Variants in SVOP observed in about 807,000 individuals in gnomAD.
SVOP encodes SV2 related protein, also known as synaptic vesicle 2-related protein.
Under a neutral mutation model 69.1 loss-of-function variants are expected in SVOP, and 17 were observed. The observed-to-expected ratio is 0.25, with a 90% CI of 0.17 to 0.37. SVOP has a LOEUF of 0.37. Among genes scored for constraint, SVOP ranks in the 10% least tolerant of loss-of-function variants. The pLI is 1.00. For synonymous variants in SVOP, 238 were observed against 238.6 expected (o/e 1.00, Z 0.02); for missense variants, 435 against 597.5 (o/e 0.73, Z 2.84).
At chr12:108,990,938 T>C (rs1470733013) in intron 1 of SVOP, among the ~76,000 whole-genome samples, 1 of 152,192 alleles carries the variant, frequency 6.6e-6, no homozygotes, top group Non-Finnish European at 1.5e-5. Flanking sequence ...GCTGCTGGCA[T>C]TGCTGATCTG....
At position 108,912,399 on chromosome 12, in the gene SVOP, C is replaced by T; in HGVS notation, c.*136G>A. 6.6e-7 allele frequency: 1 copy of T among 1,520,446 alleles called. No homozygotes were observed. The allele number at this position is 1,520,446 out of a possible 1,614,324, so 94.2% of individuals were successfully genotyped here. ...TGAAGATGAGCAAACTGAGTCAAGA[C>T]ACAAAACCCTGTTGGTCCAGGTCAT... On this transcript the variant is annotated 3_prime_UTR_variant, in exon 16 of 16. Transcript: ENST00000610966.
At chr12:108,971,244 C>A (rs2040077159) in intron 5 of SVOP, among the ~76,000 whole-genome samples, 1 of 151,910 alleles carries the variant, frequency 6.6e-6, no homozygotes, top group Admixed American at 6.6e-5. Context: ...GCCTGGCCAA[C>A]ATGGTGAAAC....
intron 11 of SVOP, among the ~76,000 whole-genome samples, chr12:108,924,756 A>G (rs1291595388): frequency 6.6e-6 from 1 of 152,254 alleles, no homozygotes; most frequent in Non-Finnish European, 1.5e-5. Flanking sequence ...TTAGAGCCAC[A>G]GGATGTTTGG....
chr12:108,929,744 G>A (rs1028746722), intron 11 of SVOP, among the ~76,000 whole-genome samples: 1 of 152,164 alleles, frequency 6.6e-6, no homozygotes, highest in Non-Finnish European at 1.5e-5. Flanking sequence ...ACAGAAAGGA[G>A]CCCAGTTCTA....
intron 11 of SVOP, 38 bp from the exon 12 acceptor site, chr12:108,922,835 A>G: frequency 6.9e-7 from 1 of 1,452,824 alleles, no homozygotes; most frequent in Non-Finnish European, 9.5e-7. Context: ...GGAGACATAT[A>G]CAGAGTCTTG....
intron 1 of SVOP, among the ~76,000 whole-genome samples, chr12:108,992,513 G>C (rs142774490): frequency 0.89 from 135,319 of 152,226 alleles, 61,271 homozygotes; most frequent in Non-Finnish European, 0.99. Context: ...TGCACTCCAG[G>C]CTGGGCAACA....
intron 1 of SVOP, among the ~76,000 whole-genome samples, chr12:108,997,332 T>A (rs2040240730): frequency 6.6e-6 from 1 of 152,100 alleles, no homozygotes. Context: ...TCTCGCTGAT[T>A]GCTAGCACAG....
At chr12:108,979,435 T>C (rs868747117) in intron 2 of SVOP, among the ~76,000 whole-genome samples, 6 of 152,118 alleles carry the variant, frequency 3.9e-5, no homozygotes, top group African/African-American at 1.2e-4. Context: ...AGAGATGAGG[T>C]CTCACTATGT....
At chr12:108,956,626 C>G (rs1415891511) in intron 6 of SVOP, among the ~76,000 whole-genome samples, 1 of 152,194 alleles carries the variant, frequency 6.6e-6, no homozygotes, top group Non-Finnish European at 1.5e-5. Context: ...GAATCGGCAC[C>G]TATTCTGAGT....
rs549505854 is a variant in SVOP at position 108,930,283 on chromosome 12, T to C, written c.1048+3912A>G. Among the ~76,000 whole-genome samples, 6 of 152,232 alleles carry C rather than the reference T, an allele frequency of 3.9e-5. No homozygotes were observed. In the East Asian group the frequency reaches 9.6e-4, roughly 24 times the overall value. ...GAATCAGGCAGCCCCCAAGCCAGAATAGGGTCAGAGACAGACTGGTACTGC... is the reference window on the plus strand; with the variant it reads ...GAATCAGGCAGCCCCCAAGCCAGAACAGGGTCAGAGACAGACTGGTACTGC... On this transcript the variant is annotated intron_variant, in intron 11 of 15. Transcript: ENST00000610966.
intron 11 of SVOP, among the ~76,000 whole-genome samples, chr12:108,931,765 T>C (rs1303628817): frequency 1.4e-5 from 2 of 146,432 alleles, no homozygotes; most frequent in East Asian, 2.0e-4. Flanking sequence ...ACCCGGGAGG[T>C]GGAGCTTGCA....
At chr12:108,983,130 C>T (rs2040150613) in intron 2 of SVOP, among the ~76,000 whole-genome samples, 1 of 148,920 alleles carries the variant, frequency 6.7e-6, no homozygotes, top group African/African-American at 2.5e-5. Context: ...ATAATCATCA[C>T]TATCACCACC....
chr12:108,935,607 G>A lies in SVOP; in HGVS notation c.972-1336C>T, dbSNP rs531783059. ...TCAAAGCTTTTTTCTCCTCTTCCCTGTAATTGACCACCTTGGGGACACTTC... is the reference window on the plus strand; with the variant it reads ...TCAAAGCTTTTTTCTCCTCTTCCCTATAATTGACCACCTTGGGGACACTTC... On this transcript the variant is annotated intron_variant, in intron 10 of 15. Coordinates refer to ENST00000610966, the MANE Select transcript of SVOP (RefSeq NM_018711.5). Among the ~76,000 whole-genome samples, 21 of 152,246 alleles carry A rather than the reference G, an allele frequency of 1.4e-4. No homozygotes were observed. The East Asian group carries it at 3.3e-3, about 24-fold the overall frequency.
At chr12:109,020,161 C>A (rs113392347) in intron 1 of SVOP, among the ~76,000 whole-genome samples, 1 of 152,140 alleles carries the variant, frequency 6.6e-6, no homozygotes, top group African/African-American at 2.4e-5. Flanking sequence ...ATTCTCAGAG[C>A]AAATTTGGTT....
chr12:108,972,545 C>A, intron 4 of SVOP, 69 bp from the exon 5 acceptor site: 2 of 1,471,794 alleles, frequency 1.4e-6, no homozygotes, highest in South Asian at 2.4e-5. Flanking sequence ...GAACAACAAA[C>A]GGAAGTGGTG....
At position 109,020,915 on chromosome 12, in the gene SVOP, A is replaced by G. The variant is rs1036379075; in HGVS notation, c.-47T>C. 23 of 710,472 alleles carry G rather than the reference A, an allele frequency of 3.2e-5. No individual in the cohort carries two copies. The highest frequency in any genetic ancestry group is 3.2e-4 in the African/African-American group (18 of 56,746). The allele number at this position is 710,472 out of a possible 1,614,324, so 44.0% of individuals were successfully genotyped here. On this transcript the variant is annotated 5_prime_UTR_variant, in exon 1 of 16. Transcript: ENST00000610966. ...GCCCTTCTCATGGCCCTTACATGGT[A>G]GTGGTGGATGACGAGCCCTCCGGTT...
chr12:108,964,245 T>C (rs2040032933), intron 5 of SVOP, among the ~76,000 whole-genome samples: 1 of 151,940 alleles, frequency 6.6e-6, no homozygotes, highest in South Asian at 2.1e-4. Context: ...GTACATAAGA[T>C]AATAGGTGGC....
rs386377706 is a variant in SVOP at position 109,020,762 on chromosome 12, C to CCA, written c.35+70_35+71dup. ...AAACCATGCAGAGATGTACCCCCCC[C>CCA]CACCCCCCTTGCAGGTTTTCGTTTT... On this transcript the variant is annotated intron_variant, in intron 1 of 15. Transcript: ENST00000610966. 19 of 379,690 alleles carry CCA rather than the reference C, an allele frequency of 5.0e-5. 1 individual carries two copies. Among genetic ancestry groups the CCA allele is most frequent in the South Asian group, 2.2e-4 (11 of 49,602 alleles). 23.5% of individuals were successfully genotyped at this position (379,690 alleles called of 1,614,324 possible).
At chr12:108,950,724 G>A (rs892941785) in intron 6 of SVOP, among the ~76,000 whole-genome samples, 1 of 152,032 alleles carries the variant, frequency 6.6e-6, no homozygotes, top group Non-Finnish European at 1.5e-5. Context: ...TCCTCACCTC[G>A]GTAGTATCAT....
Sources: gnomAD v4.1 joint callset for allele counts (sites outside exome capture counted in the v4.1 genomes callset) on GRCh38, gnomAD v4.1.1 for gene constraint, MANE v1.5 for transcripts, NCBI Gene and HGNC (gene_info 2026-07-23, HGNC 2026-07-21) for gene names.